The following TRPM3 variants were observed in gnomAD, a reference collection of about 807,000 sequenced individuals.
TRPM3 encodes transient receptor potential cation channel subfamily M member 3, also known as long transient receptor potential channel 3.
In TRPM3, 77 loss-of-function variants were observed where a neutral mutation model predicts 181.2. The observed-to-expected ratio is 0.42, with a 90% CI of 0.35 to 0.51. The LOEUF (loss-of-function observed/expected upper bound fraction) is 0.51, where lower values mean the gene tolerates loss of function less well. Among genes scored for constraint, TRPM3 ranks in the 20% least tolerant of loss-of-function variants. The probability of loss-of-function intolerance (pLI) is 0.01; values close to 1 mark genes in which losing one functional copy is unlikely to be tolerated. For missense variants in TRPM3, 1,759 were observed against 2,196.7 expected, an observed-to-expected ratio of 0.80 and a Z score of 3.98; for synonymous variants, 745 against 796.4, an observed-to-expected ratio of 0.94 and a Z score of 1.09.
At chr9:71,434,114 A>G (rs560415626) in intron 1 of TRPM3, among the ~76,000 whole-genome samples, 1 of 152,140 alleles carries the variant, frequency 6.6e-6, no homozygotes, top group Non-Finnish European at 1.5e-5. Context: ...AGCCGAGATC[A>G]TTCCATTGCA....
chr9:71,415,978 C>T (rs2093630883), intron 1 of TRPM3, among the ~76,000 whole-genome samples: 1 of 151,026 alleles, frequency 6.6e-6, no homozygotes, highest in South Asian at 2.1e-4. Context: ...TGAGAAAACA[C>T]ATTTTAAAAG....
At chr9:71,076,587 C>T (rs1231875969) in intron 1 of TRPM3, among the ~76,000 whole-genome samples, 1 of 152,180 alleles carries the variant, frequency 6.6e-6, no homozygotes, top group Admixed American at 6.5e-5. Context: ...ATCTCAAAAG[C>T]GTTTGACAAG....
chr9:70,895,160 T>G (rs970149264), intron 1 of TRPM3, among the ~76,000 whole-genome samples: 3 of 152,222 alleles, frequency 2.0e-5, no homozygotes, highest in Non-Finnish European at 4.4e-5. Context: ...TCCAGATAGA[T>G]ATGGATCCAG....
intron 1 of TRPM3, among the ~76,000 whole-genome samples, chr9:71,350,276 A>T (rs1396171036): frequency 1.3e-5 from 2 of 152,200 alleles, no homozygotes; most frequent in Non-Finnish European, 2.9e-5. Flanking sequence ...CTAGTCAATC[A>T]TGACAACAGA....
intron 17 of TRPM3, among the ~76,000 whole-genome samples, chr9:70,618,391 G>A (rs990005942): frequency 4.6e-5 from 7 of 152,174 alleles, no homozygotes; most frequent in African/African-American, 1.7e-4. Flanking sequence ...TCTAGCAATG[G>A]CTTTCCAAGT....
intron 1 of TRPM3, among the ~76,000 whole-genome samples, chr9:70,938,576 C>T (rs1180286525): frequency 2.0e-5 from 3 of 152,124 alleles, no homozygotes; most frequent in Admixed American, 6.5e-5. Context: ...GCCCCCTTCT[C>T]GGCGTGAAAC....
intron 1 of TRPM3, among the ~76,000 whole-genome samples, chr9:70,976,045 C>A (rs527957703): frequency 7.9e-5 from 12 of 152,286 alleles, no homozygotes; most frequent in African/African-American, 2.9e-4. Flanking sequence ...TGGGTAATCT[C>A]ATTTAATTAC....
intron 1 of TRPM3, among the ~76,000 whole-genome samples, chr9:71,356,804 C>G (rs1233510685): frequency 6.6e-6 from 1 of 152,030 alleles, no homozygotes; most frequent in East Asian, 1.9e-4. Flanking sequence ...TATTCCAGCC[C>G]CGAGCCCCAG....
At chr9:70,833,367 T>C (rs1423239120) in intron 5 of TRPM3, among the ~76,000 whole-genome samples, 1 of 152,164 alleles carries the variant, frequency 6.6e-6, no homozygotes, top group Non-Finnish European at 1.5e-5. Flanking sequence ...TGAACCAACA[T>C]GCTCCAGACA....
chr9:71,150,725 A>G (rs548249135), intron 1 of TRPM3, among the ~76,000 whole-genome samples: 14 of 152,256 alleles, frequency 9.2e-5, no homozygotes, highest in Admixed American at 5.9e-4. Context: ...ATACTATCAC[A>G]ACATATTTCT....
At chr9:71,427,426 A>G (rs1002662396) in intron 1 of TRPM3, among the ~76,000 whole-genome samples, 3 of 152,182 alleles carry the variant, frequency 2.0e-5, no homozygotes, top group African/African-American at 7.2e-5. Flanking sequence ...TGATTCTGAT[A>G]TATGCTAACA....
At chr9:71,245,443 CA>C (rs61043388) in intron 1 of TRPM3, among the ~76,000 whole-genome samples, 146 of 133,590 alleles carry the variant, frequency 1.1e-3, no homozygotes, top group Admixed American at 2.2e-3. Flanking sequence ...GACTCCATTT[CA>C]AAAAAAAAAA....
Position 70,639,082 on chromosome 9 carries a change from C to G in TRPM3, c.1559G>C (p.Arg520Thr). ...VSMHRFLTISRLEELYNTRHG... is the reference protein window; with the variant it reads ...VSMHRFLTISTLEELYNTRHG... ...TACCGTATTGTACAATTCCTCTAGT[C>G]TGGAGATGGTGAGAAAACGGTGCAT... Residue 520 changes from arginine to threonine, a missense_variant, in exon 11 of 26, where the codon AGA becomes ACA. Arg to Thr is a moderately conservative substitution (Grantham distance 71, BLOSUM62 -1). This residue lies in a region of TRPM3 where 737 missense variants were observed against 957.4 expected (regional missense o/e 0.77). Coordinates refer to ENST00000677713, the MANE Select transcript of TRPM3 (RefSeq NM_001366145.2). 1 of 1,613,890 alleles carries G rather than the reference C, an allele frequency of 6.2e-7. No individual in the cohort carries two copies. Among genetic ancestry groups the G allele is most frequent in the Non-Finnish European group, 8.5e-7 (1 of 1,179,890 alleles).
intron 1 of TRPM3, among the ~76,000 whole-genome samples, chr9:71,386,233 G>A (rs1385220074): frequency 6.6e-6 from 1 of 151,804 alleles, no homozygotes; most frequent in African/African-American, 2.4e-5. Context: ...GGCAGATCAC[G>A]AGGTCAGGAG....
At chr9:70,884,512 T>C (rs2096055631) in intron 1 of TRPM3, among the ~76,000 whole-genome samples, 1 of 152,200 alleles carries the variant, frequency 6.6e-6, no homozygotes, top group Admixed American at 6.5e-5. Flanking sequence ...TGTGCGTGTG[T>C]GTGTGGCATG....
At chr9:71,106,458 T>C (rs180979337) in intron 1 of TRPM3, among the ~76,000 whole-genome samples, 103 of 152,202 alleles carry the variant, frequency 6.8e-4, no homozygotes, top group Middle Eastern at 3.4e-3. Flanking sequence ...ACTTTCTTGC[T>C]CCCTCTCTTT....
intron 1 of TRPM3, among the ~76,000 whole-genome samples, chr9:71,092,468 C>T (rs2066391770): frequency 6.6e-6 from 1 of 152,034 alleles, no homozygotes; most frequent in Non-Finnish European, 1.5e-5. Flanking sequence ...ATTTACTAAG[C>T]ATAGATTTTT....
chr9:71,194,532 A>G (rs1434320485), intron 1 of TRPM3, among the ~76,000 whole-genome samples: 1 of 151,834 alleles, frequency 6.6e-6, no homozygotes, highest in Non-Finnish European at 1.5e-5. Flanking sequence ...CATCGTAAAA[A>G]GATGACAGTA....
At chr9:70,582,712 T>C (rs776800668) in intron 22 of TRPM3, among the ~76,000 whole-genome samples, 21 of 152,178 alleles carry the variant, frequency 1.4e-4, no homozygotes, top group Non-Finnish European at 2.9e-5. Flanking sequence ...CGAGCAGCTA[T>C]GGTATTGGAC....
Sources: allele counts gnomAD v4.1 joint callset (sites outside exome capture counted in the v4.1 genomes callset), GRCh38; gene constraint gnomAD v4.1.1; regional missense constraint gnomAD v4.1.1; transcripts MANE v1.5; gene names NCBI Gene and HGNC (gene_info 2026-07-23, HGNC 2026-07-21).